NSMCE2: variants seen among roughly 807,000 people sequenced by gnomAD.
NSMCE2 encodes the protein NSE2 SUMO ligase component of SMC5/6 complex.
A neutral mutation model predicts 23.8 loss-of-function variants in NSMCE2; 24 were observed. That is an observed-to-expected ratio of 1.01 (90% CI 0.73 to 1.42). NSMCE2 has a LOEUF of 1.42. NSMCE2 is among the 40% of genes most tolerant of loss of function. The pLI is 0.00. For missense variants in NSMCE2, 284 were observed against 296.5 expected, an observed-to-expected ratio of 0.96 and a Z score of 0.31; for synonymous variants, 92 against 94.1, an observed-to-expected ratio of 0.98 and a Z score of 0.13.
At position 125,323,367 on chromosome 8, in the gene NSMCE2, CAA is replaced by C. The variant is rs539412562; in HGVS notation, c.419-33850_419-33849del. On this transcript the variant is annotated intron_variant, in intron 5 of 7. Coordinates refer to ENST00000287437, the MANE Select transcript of NSMCE2 (RefSeq NM_173685.4). Reference sequence around the variant, plus strand: ...CAAAATAACTTTGGAAAAAAAAGGACAAAGTTAGAGAACTTATTCTACCTGAC... The same window carrying C: ...CAAAATAACTTTGGAAAAAAAAGGACAGTTAGAGAACTTATTCTACCTGAC... 2.0e-4 allele frequency among the ~76,000 whole-genome samples: 30 copies of C among 152,170 alleles called. No homozygotes were observed. The South Asian group carries it at 6.0e-3, about 31-fold the overall frequency.
rs1422472437 is a variant in NSMCE2 at position 125,091,883 on chromosome 8, G to A, written c.-186G>A. Reference sequence around the variant, plus strand: ...CTCTCACTTTTCAGCGGCAGGCGAAGGGGGCTGAGGAAAGGAGGTGGGTCT... The same window carrying A: ...CTCTCACTTTTCAGCGGCAGGCGAAAGGGGCTGAGGAAAGGAGGTGGGTCT... On this transcript the variant is annotated 5_prime_UTR_variant, in exon 1 of 8. Transcript: ENST00000287437. 1 of 152,418 alleles carries A rather than the reference G, an allele frequency of 6.6e-6. No individual in the cohort carries two copies. The highest frequency in any genetic ancestry group is 2.4e-5 in the African/African-American group (1 of 41,478). The allele number at this position is 152,418 out of a possible 1,614,324, so 9.4% of individuals were successfully genotyped here.
At chr8:125,096,145 G>T (rs1053709785) in intron 1 of NSMCE2, among the ~76,000 whole-genome samples, 45 of 152,158 alleles carry the variant, frequency 3.0e-4, no homozygotes, top group African/African-American at 1.1e-3. Flanking sequence ...AGGTCCCTAT[G>T]CTTGCCTGCA....
intron 3 of NSMCE2, among the ~76,000 whole-genome samples, chr8:125,145,053 T>G (rs1820598510): frequency 6.6e-6 from 1 of 152,202 alleles, no homozygotes; most frequent in Admixed American, 6.5e-5. Context: ...TTTTGTATTA[T>G]GTAAATATTA....
In NSMCE2 at chr8:125,289,117, G is replaced by A. The variant is rs868275745; in HGVS notation, c.419-68102G>A. Among the ~76,000 whole-genome samples the A allele has an allele frequency of 2.6e-5, 4 of 152,188 alleles. No individual in the cohort carries two copies. In the South Asian group the frequency reaches 8.3e-4, roughly 32 times the overall value. On this transcript the variant is annotated intron_variant, in intron 5 of 7. Coordinates refer to ENST00000287437, the MANE Select transcript of NSMCE2 (RefSeq NM_173685.4). ...TTCCCCCAGTCTTTAATTCATCTTT[G>A]TACTTCCAAGGCCTACAGCAGTACC...
At chr8:125,235,872 A>T (rs1419103510) in intron 5 of NSMCE2, among the ~76,000 whole-genome samples, 1 of 152,248 alleles carries the variant, frequency 6.6e-6, no homozygotes, top group Non-Finnish European at 1.5e-5. Flanking sequence ...GAAATAAAAG[A>T]TGCTTGCCTT....
chr8:125,321,080 C>A (rs1829433487), intron 5 of NSMCE2, among the ~76,000 whole-genome samples: 1 of 152,088 alleles, frequency 6.6e-6, no homozygotes, highest in African/African-American at 2.4e-5. Flanking sequence ...GAAACTGCCC[C>A]CATGATCCAG....
intron 4 of NSMCE2, among the ~76,000 whole-genome samples, chr8:125,173,574 T>C (rs1822330306): frequency 6.6e-6 from 1 of 152,194 alleles, no homozygotes; most frequent in South Asian, 2.1e-4. Flanking sequence ...ATCATTGTAC[T>C]CTTTCACTGT....
intron 5 of NSMCE2, among the ~76,000 whole-genome samples, chr8:125,271,217 T>C (rs1171089550): frequency 1.3e-5 from 2 of 149,042 alleles, no homozygotes; most frequent in African/African-American, 5.0e-5. Flanking sequence ...GCAGAGATTA[T>C]GCCATTGCAC....
rs913683214 is a variant in NSMCE2, at chr8:125,155,851, A to G, written c.264+4574A>G. On this transcript the variant is annotated intron_variant, in intron 4 of 7. Transcript: ENST00000287437. ...ATAAGAGGTAACAAATCCAACCACT[A>G]TCATGGGGGTAGTCCTTGCAATGTT... is the stretch of plus-strand genomic sequence containing the variant. 27 of 391,120 alleles carry G rather than the reference A, an allele frequency of 6.9e-5. No individual in the cohort carries two copies. In the East Asian group the frequency reaches 2.3e-3, roughly 33 times the overall value. The allele number at this position is 391,120 out of a possible 1,614,324, so 24.2% of individuals were successfully genotyped here. A position where few individuals can be genotyped will look rare whatever the true frequency, so the allele number is the denominator to read the frequency against.
chr8:125,136,813 G>A lies in NSMCE2; in HGVS notation c.158-14358G>A, dbSNP rs573146424. Among the ~76,000 whole-genome samples, 8 of 151,952 alleles carry A rather than the reference G, an allele frequency of 5.3e-5. No homozygotes were observed. The South Asian group carries it at 1.7e-3, about 32-fold the overall frequency. ...CTTTTAAAGATGGAAAAACAATCTT[G>A]GAAGTCACTGATGATTTCAGTCAAT... On this transcript the variant is annotated intron_variant, in intron 3 of 7. Coordinates refer to ENST00000287437, the MANE Select transcript of NSMCE2 (RefSeq NM_173685.4).
chr8:125,283,028 G>A (rs1045218453), intron 5 of NSMCE2, among the ~76,000 whole-genome samples: 2 of 152,242 alleles, frequency 1.3e-5, no homozygotes, highest in Non-Finnish European at 2.9e-5. Context: ...CTTCTTGACA[G>A]CTGTGTGACC....
chr8:125,256,293 A>AC (rs1826409149), intron 5 of NSMCE2, among the ~76,000 whole-genome samples: 1 of 151,968 alleles, frequency 6.6e-6, no homozygotes, highest in Admixed American at 6.6e-5. Flanking sequence ...AAAAAAAAAA[A>AC]AAAAACTAAC....
At position 125,113,066 on chromosome 8, in the gene NSMCE2, G is replaced by C. The variant is rs185372973; in HGVS notation, c.157+10579G>C. Among the ~76,000 whole-genome samples the C allele has an allele frequency of 3.7e-4, 51 of 138,146 alleles. No individual in the cohort carries two copies. In the East Asian group the frequency reaches 5.8e-3, roughly 16 times the overall value. The allele number at this position is 138,146 out of a possible 152,430, so 90.6% of individuals were successfully genotyped here. A position where few individuals can be genotyped will look rare whatever the true frequency, so the allele number is the denominator to read the frequency against. On this transcript the variant is annotated intron_variant, in intron 3 of 7. Coordinates refer to ENST00000287437, the MANE Select transcript of NSMCE2 (RefSeq NM_173685.4). ...ATATATTAACAGAAAATGGGGGGGG[G>C]GGTGAGTCAATACCTACAGAATATG...
intron 5 of NSMCE2, among the ~76,000 whole-genome samples, chr8:125,185,168 T>G (rs1230733173): frequency 6.6e-6 from 1 of 152,202 alleles, no homozygotes; most frequent in Non-Finnish European, 1.5e-5. Context: ...GCAATGAAGT[T>G]GTCTCCCAGG....
intron 5 of NSMCE2, among the ~76,000 whole-genome samples, chr8:125,287,962 A>G (rs1190854152): frequency 6.6e-6 from 1 of 152,070 alleles, no homozygotes; most frequent in Non-Finnish European, 1.5e-5. Flanking sequence ...TAACTCCTGT[A>G]TCTACACCTA....
intron 7 of NSMCE2, among the ~76,000 whole-genome samples, chr8:125,359,301 G>T (rs988170635): frequency 1.0e-4 from 13 of 130,242 alleles, no homozygotes; most frequent in Admixed American, 2.3e-4. Context: ...ATTCTGGGTT[G>T]TTAAATGGCA....
At chr8:125,182,901 A>G (rs1002096992) in intron 5 of NSMCE2, 1 of 152,242 alleles carries the variant, frequency 6.6e-6, no homozygotes, top group African/African-American at 2.4e-5. Flanking sequence ...ATAATATATC[A>G]TTTCTGCACA....
intron 5 of NSMCE2, among the ~76,000 whole-genome samples, chr8:125,356,326 G>GTT (rs747884264): frequency 0.018 from 1,943 of 105,460 alleles, 69 homozygotes; most frequent in East Asian, 0.043. Context: ...TAATTTTTTG[G>GTT]TTTTTTTTTT....
Position 125,217,718 on chromosome 8 carries a change from G to C in NSMCE2, c.418+35462G>C, listed in dbSNP as rs547716397. Among the ~76,000 whole-genome samples, 38 of 152,210 alleles carry C rather than the reference G, an allele frequency of 2.5e-4. 2 individuals are homozygous for C. The highest frequency in any genetic ancestry group is 6.8e-3 in the Middle Eastern group (2 of 292). ...AGTCTTCGATTAGGCTGGTTTGTGT[G>C]ACTGTCACTGTGCTCAGTCCTGTTA... On this transcript the variant is annotated intron_variant, in intron 5 of 7. Coordinates refer to ENST00000287437, the MANE Select transcript of NSMCE2 (RefSeq NM_173685.4).
Sources: gnomAD v4.1 joint callset for allele counts (sites outside exome capture counted in the v4.1 genomes callset) on GRCh38, gnomAD v4.1.1 for gene constraint, MANE v1.5 for transcripts, NCBI Gene and HGNC (gene_info 2026-07-23, HGNC 2026-07-21) for gene names.